The following ZFHX3 variants were observed in gnomAD, a reference collection of about 807,000 sequenced individuals.
ZFHX3 encodes the protein zinc finger homeobox protein 3.
Under a neutral mutation model 279.1 loss-of-function variants are expected in ZFHX3, and 42 were observed. That is an observed-to-expected ratio of 0.15 (90% CI 0.12 to 0.19). The LOEUF (loss-of-function observed/expected upper bound fraction) is 0.19, where lower values mean the gene tolerates loss of function less well. ZFHX3 is among the 10% of genes least tolerant of loss of function. The probability of loss-of-function intolerance (pLI) is 1.00; values close to 1 mark genes in which losing one functional copy is unlikely to be tolerated. For missense variants in ZFHX3, 4,981 were observed against 4,754.0 expected (o/e 1.05, Z -1.40); for synonymous variants, 2,293 against 1,957.8 (o/e 1.17, Z -4.52).
At chr16:72,939,829 G>A (rs781463959) in intron 3 of ZFHX3, among the ~76,000 whole-genome samples, 1 of 152,184 alleles carries the variant, frequency 6.6e-6, no homozygotes, top group Admixed American at 6.5e-5. Flanking sequence ...CAGAGGTTGT[G>A]TGCAGTGCTG....
chr16:73,069,038 C>G (rs762337742), intron 8 of ZFHX3, among the ~76,000 whole-genome samples: 57 of 152,298 alleles, frequency 3.7e-4, no homozygotes, highest in Non-Finnish European at 4.6e-4. Context: ...GATCACTCCT[C>G]GCCGTGCTCG....
At chr16:73,288,487 A>G (rs1426527536) in intron 4 of ZFHX3, among the ~76,000 whole-genome samples, 2 of 152,154 alleles carry the variant, frequency 1.3e-5, no homozygotes, top group Non-Finnish European at 2.9e-5. Flanking sequence ...GCTTTTCTTC[A>G]CCTACAGAAA....
chr16:72,848,335 G>A (rs966415984), intron 4 of ZFHX3, among the ~76,000 whole-genome samples: 5 of 152,110 alleles, frequency 3.3e-5, no homozygotes, highest in Admixed American at 2.0e-4. Context: ...CTATTGATCT[G>A]CCGCACACTC....
chr16:73,883,399 A>ATATG (rs374035142), intron 1 of ZFHX3, among the ~76,000 whole-genome samples: 13 of 149,178 alleles, frequency 8.7e-5, no homozygotes, highest in South Asian at 2.2e-4. Flanking sequence ...AGCCATATAT[A>ATATG]TGTGTGTGTG....
At chr16:73,462,373 T>G (rs767140201) in intron 2 of ZFHX3, among the ~76,000 whole-genome samples, 1 of 152,182 alleles carries the variant, frequency 6.6e-6, no homozygotes, top group Non-Finnish European at 1.5e-5. Flanking sequence ...AAATACTTCT[T>G]TTTCTTCCTT....
intron 2 of ZFHX3, among the ~76,000 whole-genome samples, chr16:73,607,320 C>T (rs2052199736): frequency 6.6e-6 from 1 of 152,208 alleles, no homozygotes; most frequent in African/African-American, 2.4e-5. Context: ...AGCCACCATG[C>T]CCAGCCGATC....
At chr16:73,499,601 C>T (rs1273014143) in intron 2 of ZFHX3, 1 of 152,090 alleles carries the variant, frequency 6.6e-6, no homozygotes, top group African/African-American at 2.4e-5. Flanking sequence ...TACACTAGAA[C>T]CAATGAAAGC....
chr16:73,730,773 C>T (rs1379302573), intron 1 of ZFHX3, among the ~76,000 whole-genome samples: 1 of 152,164 alleles, frequency 6.6e-6, no homozygotes, highest in Non-Finnish European at 1.5e-5. Flanking sequence ...CAGTATGGAG[C>T]TGGGGAACAA....
intron 2 of ZFHX3, among the ~76,000 whole-genome samples, chr16:73,544,431 G>C (rs1403305317): frequency 6.6e-6 from 1 of 152,180 alleles, no homozygotes; most frequent in East Asian, 1.9e-4. Flanking sequence ...CAGGAGGTCA[G>C]CGACAGCCAA....
chr16:73,048,845 AAAGAG>A (rs1227553749), upstream of ZFHX3, among the ~76,000 whole-genome samples: 3 of 152,238 alleles, frequency 2.0e-5, no homozygotes, highest in African/African-American at 7.2e-5. Context: ...GAGGCCAGAG[AAAGAG>A]AAAAGGAGAG....
chr16:73,345,378 TGC>T (rs2016104314), intron 3 of ZFHX3, among the ~76,000 whole-genome samples: 1 of 151,806 alleles, frequency 6.6e-6, no homozygotes. Context: ...TTTTTCCTGA[TGC>T]TCTCCCTCCC....
intron 2 of ZFHX3, among the ~76,000 whole-genome samples, chr16:73,604,594 A>C (rs2143868775): frequency 6.6e-6 from 1 of 152,162 alleles, no homozygotes; most frequent in South Asian, 2.1e-4. Flanking sequence ...AAATACAAAA[A>C]GATTAGCTGA....
intron 6 of ZFHX3, among the ~76,000 whole-genome samples, chr16:73,136,078 G>A (rs1177941651): frequency 2.6e-5 from 4 of 152,036 alleles, no homozygotes; most frequent in Admixed American, 6.5e-5. Flanking sequence ...GGATGGTCTC[G>A]AAATCCTGAA....
intron 1 of ZFHX3, among the ~76,000 whole-genome samples, chr16:73,689,164 T>C (rs576871265): frequency 4.1e-4 from 63 of 152,334 alleles, no homozygotes; most frequent in Non-Finnish European, 6.9e-4. Context: ...TAAATTCTCT[T>C]GATAATCTTG....
chr16:73,162,508 A>C (rs1597194036), intron 5 of ZFHX3, among the ~76,000 whole-genome samples: 1 of 152,366 alleles, frequency 6.6e-6, no homozygotes, highest in East Asian at 1.9e-4. Flanking sequence ...CAATAAATGT[A>C]ATGTAATGCA....
chr16:73,877,239 C>G (rs1293531236), intron 1 of ZFHX3, among the ~76,000 whole-genome samples: 1 of 151,580 alleles, frequency 6.6e-6, no homozygotes, highest in African/African-American at 2.4e-5. Context: ...CTTGAACCCT[C>G]TGAATACATT....
intron 5 of ZFHX3, among the ~76,000 whole-genome samples, chr16:72,827,571 C>T (rs2036963772): frequency 6.6e-6 from 1 of 152,140 alleles, no homozygotes; most frequent in Non-Finnish European, 1.5e-5. Context: ...ATCCTTTTCC[C>T]CAGCTCACCT....
chr16:73,128,057 A>G (rs1021497041), intron 7 of ZFHX3, among the ~76,000 whole-genome samples: 2 of 152,244 alleles, frequency 1.3e-5, no homozygotes, highest in Non-Finnish European at 2.9e-5. Context: ...AAATGGATGC[A>G]TAGTTTTCCA....
intron 1 of ZFHX3, among the ~76,000 whole-genome samples, chr16:73,818,976 T>C (rs932004504): frequency 1.3e-5 from 2 of 152,164 alleles, no homozygotes; most frequent in Non-Finnish European, 2.9e-5. Context: ...GAAATAATCA[T>C]AGATTGGTAC....
Sources: allele counts gnomAD v4.1 joint callset (sites outside exome capture counted in the v4.1 genomes callset), GRCh38; gene constraint gnomAD v4.1.1; transcripts MANE v1.5; gene names NCBI Gene and HGNC (gene_info 2026-07-23, HGNC 2026-07-21).